THADA: variants seen among roughly 807,000 people sequenced by gnomAD.
THADA encodes the protein tRNA (32-2'-O)-methyltransferase regulator THADA.
A neutral mutation model predicts 219.8 loss-of-function variants in THADA; 213 were observed. The ratio of observed to expected loss-of-function variants is 0.97; its 90% confidence interval spans 0.87 to 1.09. THADA has a LOEUF of 1.09. Among genes scored for constraint, THADA ranks in the 50% least tolerant of loss-of-function variants. THADA has a pLI of 0.00. For missense variants in THADA, 2,956 were observed against 2,311.3 expected (o/e 1.28, Z -5.72); for synonymous variants, 1,018 against 828.9 (o/e 1.23, Z -3.92).
At chr2:43,268,725 T>TCG (rs1671806954) in intron 36 of THADA, among the ~76,000 whole-genome samples, 1 of 152,192 alleles carries the variant, frequency 6.6e-6, no homozygotes, top group Admixed American at 6.5e-5. Flanking sequence ...ACCCCTGCCC[T>TCG]GCAGAACTTC....
At chr2:43,253,623 T>C (rs762786790) in intron 36 of THADA, among the ~76,000 whole-genome samples, 5 of 152,170 alleles carry the variant, frequency 3.3e-5, no homozygotes, top group Non-Finnish European at 5.9e-5. Flanking sequence ...TTCCCTTTGC[T>C]AGCTCCCCTT....
intron 36 of THADA, among the ~76,000 whole-genome samples, chr2:43,261,630 G>A (rs958661318): frequency 7.5e-6 from 1 of 132,816 alleles, no homozygotes; most frequent in South Asian, 2.5e-4. Context: ...CCTGGCTATT[G>A]TTTTGATTTT....
At chr2:43,578,421 A>G (rs1345031398) in intron 9 of THADA, 92 bp downstream of exon 9, 21 of 885,950 alleles carry the variant, frequency 2.4e-5, no homozygotes, top group East Asian at 1.1e-4. Context: ...TGTTGGGATT[A>G]TAAGTGTGAG....
intron 26 of THADA, among the ~76,000 whole-genome samples, chr2:43,473,548 A>G (rs1028273325): frequency 1.3e-5 from 2 of 152,188 alleles, no homozygotes; most frequent in African/African-American, 2.4e-5. Flanking sequence ...ATTATAGTAA[A>G]TACATAAACC....
intron 23 of THADA, among the ~76,000 whole-genome samples, chr2:43,507,823 A>C (rs1689878869): frequency 6.6e-6 from 1 of 152,182 alleles, no homozygotes; most frequent in Non-Finnish European, 1.5e-5. Flanking sequence ...CTTTGGGTTC[A>C]TGAAGGTAAC....
At chr2:43,341,630 C>A (rs990583013) in intron 30 of THADA, among the ~76,000 whole-genome samples, 1 of 152,210 alleles carries the variant, frequency 6.6e-6, no homozygotes, top group Admixed American at 6.5e-5. Flanking sequence ...GAGTAGCAAG[C>A]TAAGGGGGCA....
chr2:43,356,761 A>C (rs908659250), intron 29 of THADA, among the ~76,000 whole-genome samples: 1 of 152,220 alleles, frequency 6.6e-6, no homozygotes, highest in Non-Finnish European at 1.5e-5. Flanking sequence ...TGAAAAAATA[A>C]ACATAAGTTG....
Position 43,575,017 on chromosome 2 carries a change from G to A in THADA, c.1048C>T (p.Pro350Ser). 1 of 1,608,140 alleles carries A rather than the reference G, an allele frequency of 6.2e-7. No individual in the cohort carries two copies. Among genetic ancestry groups the A allele is most frequent in the Non-Finnish European group, 8.5e-7 (1 of 1,177,312 alleles). Residue 350 changes from proline (P) to serine (S), a missense_variant, in exon 11 of 38, where the codon CCA (proline) becomes TCA (serine). Physicochemically the swap from Pro to Ser is moderately conservative, Grantham distance 74. Coordinates refer to ENST00000405975, the MANE Select transcript of THADA (RefSeq NM_022065.5). ...LFTLSSQIKE[P>S]TLEMFLSRIL... Reference sequence around the variant, plus strand: ...CTAGACAGAAACATTTCCAGCGTTGGCTCTTTAATCCTGAAGAAAAATGAG... The same window carrying A: ...CTAGACAGAAACATTTCCAGCGTTGACTCTTTAATCCTGAAGAAAAATGAG...
chr2:43,283,733 TAC>T (rs1325554636), intron 35 of THADA, among the ~76,000 whole-genome samples: 1 of 152,236 alleles, frequency 6.6e-6, no homozygotes, highest in Non-Finnish European at 1.5e-5. Context: ...TCTAAAAGTA[TAC>T]ACTCATATGC....
intron 9 of THADA, among the ~76,000 whole-genome samples, chr2:43,577,842 A>C (rs1700020012): frequency 6.6e-6 from 1 of 152,160 alleles, no homozygotes. Context: ...TTTATCAGAA[A>C]AGTTATTACT....
intron 29 of THADA, among the ~76,000 whole-genome samples, chr2:43,384,503 T>C (rs1672405620): frequency 1.3e-5 from 2 of 152,226 alleles, no homozygotes; most frequent in African/African-American, 4.8e-5. Context: ...ATTTCTAGCA[T>C]GTTCTTCCTA....
intron 20 of THADA, among the ~76,000 whole-genome samples, chr2:43,546,944 T>C (rs1304580211): frequency 6.6e-6 from 1 of 152,196 alleles, no homozygotes; most frequent in Non-Finnish European, 1.5e-5. Flanking sequence ...TGCTCGTTAG[T>C]TGATGCAGTT....
intron 30 of THADA, among the ~76,000 whole-genome samples, chr2:43,331,465 T>C (rs1329046713): frequency 6.6e-6 from 1 of 152,214 alleles, no homozygotes; most frequent in African/African-American, 2.4e-5. Context: ...AGCAGCCTAC[T>C]TACCAGTGTC....
chr2:43,406,846 T>C (rs757308921), intron 28 of THADA, among the ~76,000 whole-genome samples: 4 of 152,206 alleles, frequency 2.6e-5, no homozygotes, highest in Admixed American at 2.6e-4. Context: ...CTCGGGGTTC[T>C]TGGGCTGGGA....
intron 25 of THADA, among the ~76,000 whole-genome samples, 192 bp downstream of exon 25, chr2:43,498,641 C>G (rs1012797676): frequency 1.3e-5 from 2 of 151,532 alleles, no homozygotes; most frequent in African/African-American, 2.4e-5. Context: ...AGATGGCTAA[C>G]AAGCCAACAA....
intron 26 of THADA, among the ~76,000 whole-genome samples, chr2:43,442,551 G>A (rs1680976035): frequency 6.6e-6 from 1 of 152,198 alleles, no homozygotes; most frequent in African/African-American, 2.4e-5. Flanking sequence ...AAGCTGACTG[G>A]ATGACAAGAG....
At chr2:43,489,757 T>C (rs1032201705) in intron 25 of THADA, among the ~76,000 whole-genome samples, 1 of 152,098 alleles carries the variant, frequency 6.6e-6, no homozygotes, top group Non-Finnish European at 1.5e-5. Flanking sequence ...TCTAATTTAC[T>C]GTTGCTTTGC....
intron 26 of THADA, among the ~76,000 whole-genome samples, chr2:43,472,734 T>C (rs1209489496): frequency 6.6e-6 from 1 of 152,208 alleles, no homozygotes; most frequent in Non-Finnish European, 1.5e-5. Context: ...AGTATACTTA[T>C]ACAACCCTAC....
At chr2:43,580,020 ACTT>A (rs1404293349) in intron 8 of THADA, among the ~76,000 whole-genome samples, 1 of 127,166 alleles carries the variant, frequency 7.9e-6, no homozygotes, top group Non-Finnish European at 1.7e-5. Context: ...AAAAAAAGCT[ACTT>A]CTTTTTTTTT....
Sources: allele counts gnomAD v4.1 joint callset (sites outside exome capture counted in the v4.1 genomes callset), GRCh38; gene constraint gnomAD v4.1.1; transcripts MANE v1.5; gene names NCBI Gene and HGNC (gene_info 2026-07-23, HGNC 2026-07-21).